The following NOS1AP variants were observed in gnomAD, a reference collection of about 807,000 sequenced individuals.
NOS1AP encodes the protein nitric oxide synthase 1 adaptor protein, also known as carboxyl-terminal PDZ ligand of neuronal nitric oxide synthase protein.
Under a neutral mutation model 56.2 loss-of-function variants are expected in NOS1AP, and 21 were observed. That is an observed-to-expected ratio of 0.37 (90% CI 0.26 to 0.54). The LOEUF (loss-of-function observed/expected upper bound fraction) is 0.54. Among genes scored for constraint, NOS1AP ranks in the 20% least tolerant of loss-of-function variants. The pLI, the probability that NOS1AP is intolerant of heterozygous loss-of-function variation, is 0.84. For synonymous variants in NOS1AP, 270 were observed against 274.6 expected, an observed-to-expected ratio of 0.98 and a Z score of 0.17; for missense variants, 522 against 657.8, an observed-to-expected ratio of 0.79 and a Z score of 2.26.
intron 2 of NOS1AP, among the ~76,000 whole-genome samples, chr1:162,200,701 AAG>A (rs1271944879): frequency 6.6e-6 from 1 of 152,200 alleles, no homozygotes; most frequent in Admixed American, 6.5e-5. Context: ...GAGTTCTCCA[AAG>A]AGAGGGGAAA....
intron 2 of NOS1AP, among the ~76,000 whole-genome samples, chr1:162,155,379 GAGCTTATATATAT>G (rs1649920913): frequency 8.1e-4 from 11 of 13,514 alleles, no homozygotes; most frequent in African/African-American, 2.0e-3. Flanking sequence ...TATAGAGAGA[GAGCTTATATATAT>G]AGAGAGCTCA....
chr1:162,074,279 A>G (rs1691725945), intron 1 of NOS1AP, among the ~76,000 whole-genome samples: 1 of 152,166 alleles, frequency 6.6e-6, no homozygotes, highest in African/African-American at 2.4e-5. Flanking sequence ...TGCCTCACTT[A>G]ATCCTCACAC....
At chr1:162,255,517 T>G (rs1654001303) in intron 2 of NOS1AP, among the ~76,000 whole-genome samples, 5 of 104,554 alleles carry the variant, frequency 4.8e-5, no homozygotes, top group East Asian at 6.7e-4. Flanking sequence ...TTTTTTTTTT[T>G]TTTTTTTTGG....
At chr1:162,309,997 G>A (rs982952490) in intron 4 of NOS1AP, among the ~76,000 whole-genome samples, 10 of 152,110 alleles carry the variant, frequency 6.6e-5, no homozygotes, top group Non-Finnish European at 1.5e-4. Context: ...GAGCCAAAAA[G>A]CACTCTCAGG....
intron 2 of NOS1AP, among the ~76,000 whole-genome samples, chr1:162,262,468 T>G (rs1283919395): frequency 6.6e-6 from 1 of 152,216 alleles, no homozygotes. Context: ...AGCTTCACTT[T>G]TAGTCCAAAT....
At chr1:162,196,219 C>G (rs1651801615) in intron 2 of NOS1AP, among the ~76,000 whole-genome samples, 1 of 152,168 alleles carries the variant, frequency 6.6e-6, no homozygotes, top group Admixed American at 6.5e-5. Flanking sequence ...AATCTGTCAA[C>G]TGCTTCTGGG....
At chr1:162,323,121 C>A (rs1020290503) in intron 4 of NOS1AP, among the ~76,000 whole-genome samples, 2 of 152,038 alleles carry the variant, frequency 1.3e-5, no homozygotes, top group Admixed American at 1.3e-4. Flanking sequence ...TAGGGTGGAC[C>A]CTAAATCCAA....
In NOS1AP at chr1:162,370,225, GTAAA is replaced by G. The variant is rs1404514582; in HGVS notation, c.*2759_*2762del. The G allele has an allele frequency of 1.3e-5, 2 of 152,178 alleles. No individual in the cohort carries two copies. Among genetic ancestry groups the G allele is most frequent in the Non-Finnish European group, 2.9e-5 (2 of 68,032 alleles). 9.4% of individuals were successfully genotyped at this position (152,178 alleles called of 1,614,324 possible). Reference sequence around the variant, plus strand: ...TCCTGCTTATATCAATGCTCTCTCTGTAAAACCTCTTCCTAGCCTCATTTCTCTC... The same window carrying G: ...TCCTGCTTATATCAATGCTCTCTCTGACCTCTTCCTAGCCTCATTTCTCTC... On this transcript the variant is annotated 3_prime_UTR_variant, in exon 10 of 10. Transcript: ENST00000361897.
chr1:162,356,033 C>T (rs386231), intron 7 of NOS1AP, among the ~76,000 whole-genome samples: 104,387 of 152,078 alleles, frequency 0.69, 36,112 homozygotes, highest in Admixed American at 0.75. Context: ...GATTCCCAGG[C>T]GGTTTATATC....
At chr1:162,233,053 G>A (rs1365652588) in intron 2 of NOS1AP, among the ~76,000 whole-genome samples, 1 of 152,162 alleles carries the variant, frequency 6.6e-6, no homozygotes, top group Non-Finnish European at 1.5e-5. Context: ...TCAAACTTCA[G>A]TGTGTTTTAG....
rs66724465 is a variant in NOS1AP at position 162,186,402 on chromosome 1, AC to A, written c.177+31927del. On this transcript the variant is annotated intron_variant, in intron 2 of 9. Coordinates refer to ENST00000361897, the MANE Select transcript of NOS1AP (RefSeq NM_014697.3). ...TGTTTTGAAAAGATGAAGAAAAAAA[AC>A]AAAACAAAACAAAACAAAAAAAAAC... Among the ~76,000 whole-genome samples the A allele has an allele frequency of 1.5e-3, 235 of 152,050 alleles. 2 individuals are homozygous for A. The highest frequency in any genetic ancestry group is 2.9e-3 in the Admixed American group (45 of 15,282).
At chr1:162,366,550 C>G (rs965715028) in intron 9 of NOS1AP, among the ~76,000 whole-genome samples, 1 of 152,106 alleles carries the variant, frequency 6.6e-6, no homozygotes, top group Non-Finnish European at 1.5e-5. Flanking sequence ...GATCCTACAT[C>G]GTTCTGTCTA....
chr1:162,193,042 G>A (rs1651693404), intron 2 of NOS1AP, among the ~76,000 whole-genome samples: 1 of 152,160 alleles, frequency 6.6e-6, no homozygotes, highest in African/African-American at 2.4e-5. Context: ...TGTGATGAGA[G>A]AACTCACTGT....
At chr1:162,243,251 A>T (rs1309617349) in intron 2 of NOS1AP, among the ~76,000 whole-genome samples, 1 of 152,148 alleles carries the variant, frequency 6.6e-6, no homozygotes, top group Non-Finnish European at 1.5e-5. Context: ...AGAGGAAAGC[A>T]TGCTTCTCAA....
intron 2 of NOS1AP, among the ~76,000 whole-genome samples, chr1:162,272,147 T>A (rs545372705): frequency 1.8e-4 from 27 of 152,300 alleles, no homozygotes; most frequent in African/African-American, 6.3e-4. Flanking sequence ...CCACCACTCC[T>A]GGCAAGTACT....
At position 162,176,722 on chromosome 1, in the gene NOS1AP, T is replaced by C. The variant is rs1651075498; in HGVS notation, c.177+22246T>C. ...CAGGGTTTCACCACATTGGCCAAGA[T>C]GGTCTTGATCTCTTGACCTGGTGAT... On this transcript the variant is annotated intron_variant, in intron 2 of 9. Transcript: ENST00000361897. 2.6e-5 allele frequency among the ~76,000 whole-genome samples: 4 copies of C among 152,232 alleles called. No homozygotes were observed. The South Asian group carries it at 8.3e-4, about 32-fold the overall frequency.
chr1:162,321,039 T>C (rs950756846), intron 4 of NOS1AP, among the ~76,000 whole-genome samples: 3 of 152,156 alleles, frequency 2.0e-5, no homozygotes, highest in Non-Finnish European at 2.9e-5. Flanking sequence ...GCCTAGGTTT[T>C]CTCCTAGGGT....
intron 1 of NOS1AP, among the ~76,000 whole-genome samples, chr1:162,123,788 TAC>T (rs756438801): frequency 6.6e-6 from 1 of 152,174 alleles, no homozygotes; most frequent in African/African-American, 2.4e-5. Flanking sequence ...TCTATCTATA[TAC>T]ACACACACAT....
At chr1:162,324,493 T>C (rs927297670) in intron 4 of NOS1AP, among the ~76,000 whole-genome samples, 23 of 146,794 alleles carry the variant, frequency 1.6e-4, no homozygotes, top group Admixed American at 1.5e-3. Flanking sequence ...ATCCCAGTAC[T>C]TGGCATTTAG....
Sources: gnomAD v4.1 joint callset for allele counts (sites outside exome capture counted in the v4.1 genomes callset) on GRCh38, gnomAD v4.1.1 for gene constraint, MANE v1.5 for transcripts, NCBI Gene and HGNC (gene_info 2026-07-23, HGNC 2026-07-21) for gene names.